Variants in TNIK observed in about 807,000 individuals in gnomAD.
TNIK encodes the protein TRAF2 and NCK-interacting protein kinase.
A neutral mutation model predicts 191.3 loss-of-function variants in TNIK; 49 were observed. The ratio of observed to expected loss-of-function variants is 0.26; its 90% CI spans 0.20 to 0.32. The LOEUF (loss-of-function observed/expected upper bound fraction) is 0.32. TNIK is among the 10% of genes least tolerant of loss of function. The pLI, the probability that TNIK is intolerant of heterozygous loss-of-function variation, is 1.00. For synonymous variants in TNIK, 594 were observed against 600.9 expected, an observed-to-expected ratio of 0.99 and a Z score of 0.17; for missense variants, 1,155 against 1,702.3, an observed-to-expected ratio of 0.68 and a Z score of 5.66.
chr3:171,365,161 CTTTTTTTTTTTTTTTTTTTTT>C (rs60887361), intron 2 of TNIK, among the ~76,000 whole-genome samples: 12 of 31,936 alleles, frequency 3.8e-4, no homozygotes, highest in South Asian at 3.5e-3. Flanking sequence ...GGACTACATT[CTTTTTTTTTTTTTTTTTTTTT>C]TTTTTTTTTT....
At chr3:171,261,669 T>C (rs1428273866) in intron 2 of TNIK, among the ~76,000 whole-genome samples, 1 of 152,230 alleles carries the variant, frequency 6.6e-6, no homozygotes, top group Non-Finnish European at 1.5e-5. Flanking sequence ...CTTGTATAAA[T>C]ATGACTCATT....
At chr3:171,127,123 G>A (rs964167164) in intron 16 of TNIK, among the ~76,000 whole-genome samples, 1 of 151,634 alleles carries the variant, frequency 6.6e-6, no homozygotes, top group African/African-American at 2.4e-5. Flanking sequence ...AATCCTGGTT[G>A]GGGAAAAAAT....
rs888859216 is a variant in TNIK at position 171,253,012 on chromosome 3, C to T, written c.124-24791G>A. 1.2e-4 allele frequency among the ~76,000 whole-genome samples: 19 copies of T among 152,088 alleles called. 1 individual carries two copies. The Middle Eastern group carries it at 0.024, about 191-fold the overall frequency. ...ATAACTAGGGCCGGGCACAGTGGCT[C>T]GTGCCTGTAATTCCAGCCCTTTGGG... is the stretch of plus-strand genomic sequence containing the variant. On this transcript the variant is annotated intron_variant, in intron 2 of 32. Coordinates refer to ENST00000436636, the MANE Select transcript of TNIK (RefSeq NM_015028.4).
chr3:171,194,513 C>T lies in TNIK; in HGVS notation c.417+12G>A, dbSNP rs1017719669. ...ACTTTGGGAGGTGGGCCAGTCCCCACTCGTAACCTACCCGTAAGATTTCCC... is the reference window on the plus strand; with the variant it reads ...ACTTTGGGAGGTGGGCCAGTCCCCATTCGTAACCTACCCGTAAGATTTCCC... On this transcript the variant is annotated intron_variant, in intron 5 of 32. Transcript: ENST00000436636. 6.2e-6 allele frequency: 10 copies of T among 1,612,444 alleles called. No homozygotes were observed. In the African/African-American group the frequency reaches 1.2e-4, roughly 19 times the overall value.
intron 1 of TNIK, among the ~76,000 whole-genome samples, chr3:171,379,826 T>G (rs1717770118): frequency 6.6e-6 from 1 of 152,054 alleles, no homozygotes; most frequent in East Asian, 1.9e-4. Context: ...CTGACCAACA[T>G]GGTGAAACCC....
intron 2 of TNIK, among the ~76,000 whole-genome samples, chr3:171,248,311 A>G (rs1431811304): frequency 6.6e-6 from 1 of 152,156 alleles, no homozygotes; most frequent in Non-Finnish European, 1.5e-5. Flanking sequence ...AAAACAGGAG[A>G]AGGAACTGAG....
At chr3:171,111,587 C>T (rs752048097) in intron 18 of TNIK, among the ~76,000 whole-genome samples, 10 of 152,046 alleles carry the variant, frequency 6.6e-5, no homozygotes, top group Non-Finnish European at 1.0e-4. Flanking sequence ...ACAGCCAGTA[C>T]GGAAAACAGT....
At chr3:171,096,309 C>T (rs1471483219) in intron 22 of TNIK, among the ~76,000 whole-genome samples, 1 of 152,028 alleles carries the variant, frequency 6.6e-6, no homozygotes, top group Non-Finnish European at 1.5e-5. Context: ...CTCATATCCA[C>T]TCCTCACAGC....
At chr3:171,099,649 C>T (rs918143825) in intron 22 of TNIK, among the ~76,000 whole-genome samples, 1 of 152,092 alleles carries the variant, frequency 6.6e-6, no homozygotes, top group East Asian at 1.9e-4. Flanking sequence ...CAGGAATACA[C>T]ACAACATACA....
chr3:171,183,931 A>AG (rs1295489208), intron 7 of TNIK, among the ~76,000 whole-genome samples: 1 of 150,938 alleles, frequency 6.6e-6, no homozygotes, highest in East Asian at 1.9e-4. Context: ...TAAAAAAAAA[A>AG]AAAAAAAAAA....
rs543853016 is a variant in TNIK, at chr3:171,110,882, G to A, written c.2121-5C>T. ...GTTCTCCGGAGATCAGGGTTGCTGT[G>A]TGAGTGACAGAGCACACTGGTTACA... On this transcript the variant is annotated splice_polypyrimidine_tract_variant and splice_region_variant and intron_variant, in intron 18 of 32. Coordinates refer to ENST00000436636, the MANE Select transcript of TNIK (RefSeq NM_015028.4). The A allele has an allele frequency of 2.6e-5, 42 of 1,596,420 alleles. No individual in the cohort carries two copies. The highest frequency in any genetic ancestry group is 6.8e-5 in the Admixed American group (4 of 58,436).
At chr3:171,265,711 T>C (rs1335016083) in intron 2 of TNIK, among the ~76,000 whole-genome samples, 1 of 152,208 alleles carries the variant, frequency 6.6e-6, no homozygotes, top group East Asian at 1.9e-4. Flanking sequence ...ACCAGGGATG[T>C]GATAAGCCAA....
intron 1 of TNIK, among the ~76,000 whole-genome samples, chr3:171,425,703 C>T (rs1014061047): frequency 1.3e-5 from 2 of 151,958 alleles, no homozygotes; most frequent in African/African-American, 2.4e-5. Context: ...TGGCAGACAC[C>T]TGTAATTCCA....
chr3:171,409,647 T>A (rs1398963325), intron 1 of TNIK, among the ~76,000 whole-genome samples: 1 of 151,390 alleles, frequency 6.6e-6, no homozygotes, highest in African/African-American at 2.4e-5. Context: ...ATTGTTGAGA[T>A]GATGAGTTTG....
intron 1 of TNIK, among the ~76,000 whole-genome samples, chr3:171,452,313 C>T (rs1036703634): frequency 5.9e-5 from 9 of 152,134 alleles, no homozygotes; most frequent in African/African-American, 2.2e-4. Flanking sequence ...CTTGGTATCT[C>T]CAACAGATAG....
intron 14 of TNIK, 86 bp downstream of exon 14, chr3:171,139,384 A>ACGCG: frequency 1.1e-6 from 1 of 909,698 alleles, no homozygotes; most frequent in Non-Finnish European, 1.6e-6. Context: ...GCGCGCACAC[A>ACGCG]CACACACACA....
chr3:171,390,886 A>C (rs1400683390), intron 1 of TNIK, among the ~76,000 whole-genome samples: 1 of 152,186 alleles, frequency 6.6e-6, no homozygotes, highest in African/African-American at 2.4e-5. Flanking sequence ...TGCTTTGTGC[A>C]TGTGTGATTT....
At chr3:171,270,654 C>T (rs567390501) in intron 2 of TNIK, among the ~76,000 whole-genome samples, 1 of 152,238 alleles carries the variant, frequency 6.6e-6, no homozygotes, top group South Asian at 2.1e-4. Context: ...TTTCTCACTC[C>T]TCTCTCACCC....
At position 171,063,926 on chromosome 3, in the gene TNIK, T is replaced by C; in HGVS notation, c.4038A>G (p.Gln1346=). The change falls in exon 33 of 33, where the codon CAA becomes CAG. Residue 1346 remains glutamine, a synonymous_variant. Transcript: ENST00000436636. ...TTCTGTTGAGGGTCATGAAAAACAC[T>C]TGGCTACTTCCTCCAGATCGCACGG... ...FASVRSGGSS[Q]VFFMTLNRNS... 1 of 1,613,852 alleles carries C rather than the reference T, an allele frequency of 6.2e-7. No individual in the cohort carries two copies. The highest frequency in any genetic ancestry group is 1.3e-5 in the African/African-American group (1 of 75,042).
Sources: allele counts gnomAD v4.1 joint callset (sites outside exome capture counted in the v4.1 genomes callset), GRCh38; gene constraint gnomAD v4.1.1; transcripts MANE v1.5; gene names NCBI Gene and HGNC (gene_info 2026-07-23, HGNC 2026-07-21).